The following DPT variants were observed in gnomAD, a reference collection of about 807,000 sequenced individuals.
DPT encodes tyrosine-rich acidic matrix protein.
DPT carries 21 observed loss-of-function variants against 31.2 expected under a neutral mutation model. The ratio of observed to expected loss-of-function variants is 0.67; its 90% CI spans 0.48 to 0.97. DPT has a LOEUF of 0.97. Among genes scored for constraint, DPT ranks in the 50% least tolerant of loss-of-function variants. The probability of loss-of-function intolerance (pLI) is 0.00; values close to 1 mark genes in which losing one functional copy is unlikely to be tolerated. For synonymous variants in DPT, 91 were observed against 86.9 expected, an observed-to-expected ratio of 1.05 and a Z score of -0.26; for missense variants, 262 against 258.8, an observed-to-expected ratio of 1.01 and a Z score of -0.08.
intron 1 of DPT, among the ~76,000 whole-genome samples, chr1:168,727,657 C>T (rs1033172804): frequency 1.3e-5 from 2 of 151,686 alleles, no homozygotes; most frequent in Non-Finnish European, 2.9e-5. Flanking sequence ...CCTACCTTAG[C>T]CTCCTGAGTA....
intron 2 of DPT, among the ~76,000 whole-genome samples, chr1:168,701,867 G>T (rs551208154): frequency 6.6e-6 from 1 of 152,198 alleles, no homozygotes; most frequent in Non-Finnish European, 1.5e-5. Flanking sequence ...TTATAGGTTT[G>T]TCATTGGAAC....
chr1:168,710,526 G>A (rs1649828552), intron 2 of DPT, among the ~76,000 whole-genome samples: 1 of 152,176 alleles, frequency 6.6e-6, no homozygotes, highest in Non-Finnish European at 1.5e-5. Flanking sequence ...TAAACTTTGT[G>A]AGCAGAGACA....
At chr1:168,703,895 C>T (rs1378176211) in intron 2 of DPT, among the ~76,000 whole-genome samples, 1 of 152,210 alleles carries the variant, frequency 6.6e-6, no homozygotes, top group Non-Finnish European at 1.5e-5. Flanking sequence ...ATATATGTGG[C>T]TGCATTTAGC....
chr1:168,716,008 C>T (rs183240667), intron 1 of DPT, among the ~76,000 whole-genome samples: 2 of 152,310 alleles, frequency 1.3e-5, no homozygotes, highest in African/African-American at 4.8e-5. Flanking sequence ...CGTGTGCTGA[C>T]TGGTGAGAGA....
chr1:168,701,826 T>G (rs1649604851), intron 2 of DPT, among the ~76,000 whole-genome samples: 3 of 152,224 alleles, frequency 2.0e-5, no homozygotes. Flanking sequence ...AATGAATCTG[T>G]TTTCTGATCT....
At chr1:168,703,863 G>C (rs598416) in intron 2 of DPT, among the ~76,000 whole-genome samples, 64,614 of 152,060 alleles carry the variant, frequency 0.42, 13,870 homozygotes, top group East Asian at 0.51. Flanking sequence ...CCAGGATGCT[G>C]TGTTCTGTAT....
At chr1:168,725,289 C>T (rs1038967199) in intron 1 of DPT, among the ~76,000 whole-genome samples, 24 of 135,004 alleles carry the variant, frequency 1.8e-4, no homozygotes, top group African/African-American at 7.0e-4. Context: ...TCTTTCCTTC[C>T]TTCCTTCAAT....
chr1:168,724,170 A>G (rs777224170), intron 1 of DPT, among the ~76,000 whole-genome samples: 4 of 152,258 alleles, frequency 2.6e-5, no homozygotes, highest in Non-Finnish European at 1.5e-5. Context: ...CTGCGGCGGC[A>G]AAGTGTGTCA....
At chr1:168,720,699 G>T (rs1329822566) in intron 1 of DPT, among the ~76,000 whole-genome samples, 4 of 152,114 alleles carry the variant, frequency 2.6e-5, no homozygotes, top group Non-Finnish European at 5.9e-5. Flanking sequence ...TTTTGCCCAT[G>T]ATCTAGACAA....
intron 2 of DPT, among the ~76,000 whole-genome samples, chr1:168,709,680 T>C (rs534612488): frequency 1.3e-5 from 2 of 152,262 alleles, no homozygotes; most frequent in South Asian, 2.1e-4. Flanking sequence ...TCATACGGTG[T>C]CAGGCTGCGT....
chr1:168,699,889 C>T (rs1649553837), intron 3 of DPT, among the ~76,000 whole-genome samples: 1 of 152,034 alleles, frequency 6.6e-6, no homozygotes, highest in African/African-American at 2.4e-5. Context: ...GAGTACAATT[C>T]TTGTTTTCTT....
At chr1:168,703,452 A>G (rs1649647875) in intron 2 of DPT, among the ~76,000 whole-genome samples, 1 of 152,170 alleles carries the variant, frequency 6.6e-6, no homozygotes, top group Admixed American at 6.5e-5. Flanking sequence ...CTGTTGCTTC[A>G]TTTTTGGTAG....
chr1:168,696,855 A>G (rs1458246779), intron 3 of DPT, among the ~76,000 whole-genome samples: 1 of 152,210 alleles, frequency 6.6e-6, no homozygotes, highest in East Asian at 1.9e-4. Context: ...GCCTCTGTTC[A>G]TCACTGGTGG....
chr1:168,727,702 C>A (rs1572634971), intron 1 of DPT, among the ~76,000 whole-genome samples: 1 of 100,048 alleles, frequency 1.0e-5, no homozygotes, highest in East Asian at 2.1e-4. Flanking sequence ...CTACACCGGG[C>A]TAATTTTTTT....
At chr1:168,708,430 G>C (rs554926485) in intron 2 of DPT, among the ~76,000 whole-genome samples, 1 of 152,280 alleles carries the variant, frequency 6.6e-6, no homozygotes, top group South Asian at 2.1e-4. Flanking sequence ...GGTTTTAGTA[G>C]GGCGCAGAGC....
chr1:168,713,769 A>G lies in DPT; in HGVS notation c.431+452T>C, dbSNP rs554694750. On this transcript the variant is annotated intron_variant, in intron 2 of 3. Transcript: ENST00000367817. ...TAATATTTTATTTTTTCTGTCTATA[A>G]CTATGTACTAGACTCTGACCCATGA... is the stretch of plus-strand genomic sequence containing the variant. Among the ~76,000 whole-genome samples the G allele has an allele frequency of 2.0e-5, 3 of 152,208 alleles. No individual in the cohort carries two copies. In the East Asian group the frequency reaches 5.8e-4, roughly 29 times the overall value.
chr1:168,723,869 A>G (rs887627011), intron 1 of DPT, among the ~76,000 whole-genome samples: 5 of 152,190 alleles, frequency 3.3e-5, no homozygotes, highest in African/African-American at 1.2e-4. Context: ...GATTTACAGA[A>G]TGCTTGTAAA....
At chr1:168,721,497 A>T (rs1052268783) in intron 1 of DPT, among the ~76,000 whole-genome samples, 1 of 152,196 alleles carries the variant, frequency 6.6e-6, no homozygotes, top group Admixed American at 6.5e-5. Flanking sequence ...GTCACGAAAC[A>T]TCACTTTCAG....
chr1:168,700,529 C>T (rs796181071), intron 3 of DPT, among the ~76,000 whole-genome samples: 26 of 152,264 alleles, frequency 1.7e-4, no homozygotes, highest in African/African-American at 5.8e-4. Flanking sequence ...TATAGAGGCA[C>T]GGGGTGGAAG....
Sources: gnomAD v4.1 joint callset for allele counts (sites outside exome capture counted in the v4.1 genomes callset) on GRCh38, gnomAD v4.1.1 for gene constraint, MANE v1.5 for transcripts, NCBI Gene and HGNC (gene_info 2026-07-23, HGNC 2026-07-21) for gene names.